The following PRICKLE1 variants were observed in gnomAD, a reference collection of about 807,000 sequenced individuals.
The protein encoded by PRICKLE1 is prickle planar cell polarity protein 1.
PRICKLE1 carries 14 observed loss-of-function variants against 70.2 expected under a neutral mutation model. The observed-to-expected ratio is 0.20, with a 90% CI of 0.13 to 0.31. The LOEUF is 0.31. Among genes scored for constraint, PRICKLE1 ranks in the 10% least tolerant of loss-of-function variants. The pLI is 1.00. For missense variants in PRICKLE1, 821 were observed against 1,026.2 expected, an observed-to-expected ratio of 0.80 and a Z score of 2.73; for synonymous variants, 357 against 379.9, an observed-to-expected ratio of 0.94 and a Z score of 0.70.
chr12:42,476,812 T>A (rs1452234554), intron 1 of PRICKLE1, among the ~76,000 whole-genome samples: 1 of 151,448 alleles, frequency 6.6e-6, no homozygotes, highest in Admixed American at 6.6e-5. Flanking sequence ...CACACCAAAG[T>A]TTTTTGTTTT....
chr12:42,511,210 A>G (rs986257712), intron 1 of PRICKLE1, among the ~76,000 whole-genome samples: 6 of 152,214 alleles, frequency 3.9e-5, no homozygotes. Flanking sequence ...TTTAAACACC[A>G]TTTACTTTAA....
chr12:42,466,487 A>T lies in PRICKLE1; in HGVS notation c.589-107T>A. On this transcript the variant is annotated intron_variant, in intron 5 of 7. Coordinates refer to ENST00000345127, the MANE Select transcript of PRICKLE1 (RefSeq NM_153026.3). ...GGGCAATGGACAGACACTGGCTCTT[A>T]AAAAAATCAGATAGCTAACCTTGTT... The T allele has an allele frequency of 1.2e-5, 11 of 935,644 alleles. 1 individual carries two copies. In the South Asian group the frequency reaches 1.5e-4, roughly 13 times the overall value. The allele number at this position is 935,644 out of a possible 1,614,324, so 58.0% of individuals were successfully genotyped here. A position where few individuals can be genotyped will look rare whatever the true frequency, so the allele number is the denominator to read the frequency against.
intron 1 of PRICKLE1, among the ~76,000 whole-genome samples, chr12:42,581,570 A>G (rs1407478108): frequency 3.3e-5 from 5 of 152,026 alleles, no homozygotes; most frequent in Admixed American, 2.6e-4. Context: ...CACATGGTGA[A>G]ACCCCGTCTC....
chr12:42,486,597 G>T (rs1274258207), intron 1 of PRICKLE1, among the ~76,000 whole-genome samples: 1 of 151,984 alleles, frequency 6.6e-6, no homozygotes, highest in African/African-American at 2.4e-5. Flanking sequence ...AGCTGCGTTG[G>T]GTCTGGTAGA....
At chr12:42,505,076 T>C (rs1019133531) in intron 1 of PRICKLE1, among the ~76,000 whole-genome samples, 21 of 151,856 alleles carry the variant, frequency 1.4e-4, no homozygotes, top group African/African-American at 5.1e-4. Flanking sequence ...GAGGTGGAGG[T>C]TGCAGTGAGC....
At position 42,472,384 on chromosome 12, in the gene PRICKLE1, C is replaced by T; in HGVS notation, c.132+1G>A. 1 of 1,614,108 alleles carries T rather than the reference C, an allele frequency of 6.2e-7. No homozygotes were observed. The highest frequency in any genetic ancestry group is 8.5e-7 in the Non-Finnish European group (1 of 1,180,020). On this transcript the variant is annotated splice_donor_variant, in intron 2 of 7. Coordinates refer to ENST00000345127, the MANE Select transcript of PRICKLE1 (RefSeq NM_153026.3). LOFTEE classifies it high-confidence loss of function. ...TAAATATAGGATGATGAAGTTCCTA[C>T]CTGCTCTGGTCTCAGGCCCGGGGGG... is the stretch of plus-strand genomic sequence containing the variant.
At chr12:42,534,782 T>TA (rs1347444400) in intron 1 of PRICKLE1, among the ~76,000 whole-genome samples, 3 of 151,818 alleles carry the variant, frequency 2.0e-5, no homozygotes, top group African/African-American at 4.8e-5. Flanking sequence ...AAGGGGATAC[T>TA]AAAAAAAACC....
chr12:42,457,191 A>AAG lies in PRICKLE1; in HGVS notation c.*2617_*2618insCT, dbSNP rs1173964217. The AAG allele has an allele frequency of 2.6e-5, 4 of 151,840 alleles. No individual in the cohort carries two copies. The East Asian group carries it at 7.7e-4, about 29-fold the overall frequency. 9.4% of individuals were successfully genotyped at this position (151,840 alleles called of 1,614,324 possible). The stretch of plus-strand genomic sequence containing the variant: ...AAACTCCATCTCAAAAAAAAAAAAA[A>AAG]AAGGAAAAGAAAGTCACATTATTAT... On this transcript the variant is annotated 3_prime_UTR_variant, in exon 8 of 8. Transcript: ENST00000345127.
chr12:42,562,893 A>G (rs1940541375), intron 1 of PRICKLE1, among the ~76,000 whole-genome samples: 1 of 152,188 alleles, frequency 6.6e-6, no homozygotes. Flanking sequence ...TTAAAAATTT[A>G]AATTGTGATC....
chr12:42,467,192 T>G (rs1440729679), intron 5 of PRICKLE1, among the ~76,000 whole-genome samples: 1 of 152,080 alleles, frequency 6.6e-6, no homozygotes, highest in African/African-American at 2.4e-5. Context: ...CTCGGCTCAC[T>G]GCAACCTCCG....
At chr12:42,529,203 A>T (rs531050960) in intron 1 of PRICKLE1, among the ~76,000 whole-genome samples, 3 of 152,344 alleles carry the variant, frequency 2.0e-5, no homozygotes, top group African/African-American at 7.2e-5. Flanking sequence ...TTTATTTGTA[A>T]TCAAAATGTT....
intron 1 of PRICKLE1, among the ~76,000 whole-genome samples, chr12:42,516,938 T>C (rs898407844): frequency 6.6e-6 from 1 of 152,210 alleles, no homozygotes; most frequent in Non-Finnish European, 1.5e-5. Context: ...TTGAGGTCTG[T>C]TACCTGATTC....
At chr12:42,484,012 A>G (rs1239703761) in intron 1 of PRICKLE1, 1 of 860 alleles carries the variant, frequency 1.2e-3, no homozygotes, top group Non-Finnish European at 2.3e-3. Flanking sequence ...AGCCCGCAGT[A>G]AAAAAAAAAA....
At chr12:42,512,015 C>T (rs2120398223) in intron 1 of PRICKLE1, among the ~76,000 whole-genome samples, 1 of 152,280 alleles carries the variant, frequency 6.6e-6, no homozygotes, top group Non-Finnish European at 1.5e-5. Context: ...TCATTCTACC[C>T]CTCTGGGGTT....
intron 1 of PRICKLE1, among the ~76,000 whole-genome samples, chr12:42,563,629 G>A (rs1296063861): frequency 6.7e-6 from 1 of 149,842 alleles, no homozygotes; most frequent in Non-Finnish European, 1.5e-5. Context: ...TGTGAACCTG[G>A]GAGGCGGAGC....
intron 1 of PRICKLE1, chr12:42,482,932 C>T (rs1358136691): frequency 6.6e-6 from 1 of 152,308 alleles, no homozygotes; most frequent in African/African-American, 2.4e-5. Context: ...AAACTCTGCG[C>T]TCCAGGCGGC....
At chr12:42,466,461 C>T (rs1415031092) in intron 5 of PRICKLE1, 81 bp from the exon 6 acceptor site, 16 of 1,258,590 alleles carry the variant, frequency 1.3e-5, no homozygotes, top group African/African-American at 2.9e-5. Context: ...GCATGTTTTC[C>T]GGGCAATGGA....
chr12:42,501,068 T>G (rs1207472961), intron 1 of PRICKLE1, among the ~76,000 whole-genome samples: 1 of 152,220 alleles, frequency 6.6e-6, no homozygotes, highest in Non-Finnish European at 1.5e-5. Context: ...TGGGAGCGAT[T>G]TAATGAAGAC....
chr12:42,523,787 T>C (rs565142647), intron 1 of PRICKLE1, among the ~76,000 whole-genome samples: 4 of 152,236 alleles, frequency 2.6e-5, no homozygotes, highest in Non-Finnish European at 2.9e-5. Flanking sequence ...TATCCCATAC[T>C]TAAATGAAAT....
Sources: gnomAD v4.1 joint callset for allele counts (sites outside exome capture counted in the v4.1 genomes callset) on GRCh38, gnomAD v4.1.1 for gene constraint, MANE v1.5 for transcripts, NCBI Gene and HGNC (gene_info 2026-07-23, HGNC 2026-07-21) for gene names.